The following GPR176 variants were observed in gnomAD, a reference collection of about 807,000 sequenced individuals.
GPR176 encodes G-protein coupled receptor 176.
A neutral mutation model predicts 35.4 loss-of-function variants in GPR176; 26 were observed. The ratio of observed to expected loss-of-function variants is 0.74; its 90% confidence interval spans 0.54 to 1.02. The LOEUF is 1.02. GPR176 is among the 50% of genes least tolerant of loss of function. The pLI, the probability that GPR176 is intolerant of heterozygous loss-of-function variation, is 0.00. For synonymous variants in GPR176, 278 were observed against 271.3 expected (o/e 1.02, Z -0.24); for missense variants, 597 against 665.3 (o/e 0.90, Z 1.13).
intron 1 of GPR176, among the ~76,000 whole-genome samples, chr15:39,913,641 C>G (rs750786456): frequency 1.4e-4 from 22 of 152,046 alleles, no homozygotes; most frequent in South Asian, 8.3e-4. Flanking sequence ...GGCAGTGCTA[C>G]TACCGAAGGA....
At chr15:39,860,832 CG>C (rs755397036) in intron 1 of GPR176, 4 of 152,102 alleles carry the variant, frequency 2.6e-5, no homozygotes, top group Non-Finnish European at 4.4e-5. Flanking sequence ...GAAAATGAAA[CG>C]TAAGTTCCAT....
At chr15:39,804,473 A>G (rs1426601056) in intron 2 of GPR176, among the ~76,000 whole-genome samples, 1 of 152,204 alleles carries the variant, frequency 6.6e-6, no homozygotes, top group East Asian at 1.9e-4. Flanking sequence ...TTTCTGCTGG[A>G]AAGAAAATGA....
chr15:39,915,270 T>A (rs781497916), intron 1 of GPR176, among the ~76,000 whole-genome samples: 61 of 152,204 alleles, frequency 4.0e-4, no homozygotes, highest in Non-Finnish European at 7.5e-4. Flanking sequence ...CTTCCTGGTT[T>A]GCAAACAGCT....
At chr15:39,874,103 T>A (rs2032153269) in intron 1 of GPR176, among the ~76,000 whole-genome samples, 1 of 152,218 alleles carries the variant, frequency 6.6e-6, no homozygotes, top group South Asian at 2.1e-4. Flanking sequence ...GTCTGCAGTC[T>A]CTATATGAGT....
intron 1 of GPR176, among the ~76,000 whole-genome samples, chr15:39,847,953 G>A (rs2030567448): frequency 6.6e-6 from 1 of 152,138 alleles, no homozygotes; most frequent in South Asian, 2.1e-4. Context: ...CGAAGGTGAT[G>A]GGGAGGCAGG....
chr15:39,855,279 A>G lies in GPR176; in HGVS notation c.173-48021T>C, dbSNP rs373217750. Among the ~76,000 whole-genome samples, 12 of 152,262 alleles carry G rather than the reference A, an allele frequency of 7.9e-5. No individual in the cohort carries two copies. The South Asian group carries it at 1.7e-3, about 21-fold the overall frequency. ...AAAACTCCAAAACTATGCATGAAGAACCTTCCAATAAAGAAGCCACATTCC... is the reference window on the plus strand; with the variant it reads ...AAAACTCCAAAACTATGCATGAAGAGCCTTCCAATAAAGAAGCCACATTCC... On this transcript the variant is annotated intron_variant, in intron 1 of 2. Transcript: ENST00000561100.
In GPR176 at chr15:39,839,357, G is replaced by C. The variant is rs550738392; in HGVS notation, c.173-32099C>G. ...CAACCATCTGATCTTCGACAAACCTGTCAAAAACAAGAAATGGGGAAAGGA... is the reference window on the plus strand; with the variant it reads ...CAACCATCTGATCTTCGACAAACCTCTCAAAAACAAGAAATGGGGAAAGGA... On this transcript the variant is annotated intron_variant, in intron 1 of 2. Coordinates refer to ENST00000561100, the MANE Select transcript of GPR176 (RefSeq NM_007223.3). Among the ~76,000 whole-genome samples the C allele has an allele frequency of 1.5e-4, 23 of 152,272 alleles. No homozygotes were observed. In the South Asian group the frequency reaches 4.8e-3, roughly 32 times the overall value.
At chr15:39,824,822 AT>A (rs1270887476) in intron 1 of GPR176, among the ~76,000 whole-genome samples, 1 of 152,198 alleles carries the variant, frequency 6.6e-6, no homozygotes, top group East Asian at 1.9e-4. Context: ...CAAGCTCAAC[AT>A]TTTATCCCTC....
At chr15:39,896,204 A>G (rs887821251) in intron 1 of GPR176, among the ~76,000 whole-genome samples, 1 of 151,876 alleles carries the variant, frequency 6.6e-6, no homozygotes, top group Admixed American at 6.6e-5. Context: ...ACAGACATAC[A>G]TATGCCACCA....
At chr15:39,825,605 C>T (rs928039429) in intron 1 of GPR176, among the ~76,000 whole-genome samples, 2 of 152,174 alleles carry the variant, frequency 1.3e-5, no homozygotes, top group African/African-American at 4.8e-5. Flanking sequence ...TACAAATGGG[C>T]ACTCGCCTTG....
At chr15:39,881,341 G>C (rs1388058360) in intron 1 of GPR176, among the ~76,000 whole-genome samples, 2 of 152,146 alleles carry the variant, frequency 1.3e-5, no homozygotes, top group African/African-American at 4.8e-5. Context: ...TGAATGAATG[G>C]ATACATTTAG....
intron 1 of GPR176, among the ~76,000 whole-genome samples, chr15:39,864,289 CA>C (rs1248662919): frequency 6.6e-6 from 1 of 152,086 alleles, no homozygotes; most frequent in African/African-American, 2.4e-5. Flanking sequence ...ATTAAACTGT[CA>C]CCACATCAAA....
intron 1 of GPR176, among the ~76,000 whole-genome samples, chr15:39,815,873 G>T (rs943287982): frequency 6.6e-6 from 1 of 152,128 alleles, no homozygotes; most frequent in African/African-American, 2.4e-5. Context: ...CATTATTCCC[G>T]ATCACCAAGA....
At chr15:39,809,928 G>A (rs1209043636) in intron 1 of GPR176, among the ~76,000 whole-genome samples, 2 of 152,060 alleles carry the variant, frequency 1.3e-5, no homozygotes, top group African/African-American at 4.8e-5. Context: ...GGCGGATCAC[G>A]AGGTCAGGAG....
chr15:39,892,875 G>A (rs1030596316), intron 1 of GPR176, among the ~76,000 whole-genome samples: 2 of 152,212 alleles, frequency 1.3e-5, no homozygotes, highest in Non-Finnish European at 2.9e-5. Flanking sequence ...TGGTTTGTAG[G>A]AGTTTGTTAC....
At chr15:39,833,150 G>A (rs1182516777) in intron 1 of GPR176, among the ~76,000 whole-genome samples, 1 of 152,030 alleles carries the variant, frequency 6.6e-6, no homozygotes, top group African/African-American at 2.4e-5. Context: ...CCACTCCCAA[G>A]TATACATATC....
At chr15:39,909,239 G>A (rs540971938) in intron 1 of GPR176, among the ~76,000 whole-genome samples, 3 of 152,286 alleles carry the variant, frequency 2.0e-5, no homozygotes, top group African/African-American at 7.2e-5. Context: ...GTAAGGTCAG[G>A]GAGATGATGG....
At chr15:39,842,436 C>G (rs183445965) in intron 1 of GPR176, among the ~76,000 whole-genome samples, 308 of 152,236 alleles carry the variant, frequency 2.0e-3, no homozygotes, top group African/African-American at 7.1e-3. Flanking sequence ...TCCTCCAACA[C>G]TGGGATTATA....
intron 1 of GPR176, among the ~76,000 whole-genome samples, chr15:39,852,770 C>A (rs1234541043): frequency 1.3e-5 from 2 of 151,978 alleles, no homozygotes; most frequent in Non-Finnish European, 2.9e-5. Context: ...AAATATAAAC[C>A]CATTAGGAAC....
Sources: allele counts gnomAD v4.1 joint callset (sites outside exome capture counted in the v4.1 genomes callset), GRCh38; gene constraint gnomAD v4.1.1; transcripts MANE v1.5; gene names NCBI Gene and HGNC (gene_info 2026-07-23, HGNC 2026-07-21).